The following KCNQ3 variants were observed in gnomAD, a reference collection of about 807,000 sequenced individuals.
KCNQ3 encodes the protein potassium voltage-gated channel subfamily Q member 3.
A neutral mutation model predicts 92.5 loss-of-function variants in KCNQ3; 30 were observed. The observed-to-expected ratio is 0.32, with a 90% confidence interval of 0.24 to 0.44. The LOEUF (loss-of-function observed/expected upper bound fraction) is 0.44. KCNQ3 is among the 20% of genes least tolerant of loss of function. The pLI, the probability that KCNQ3 is intolerant of heterozygous loss-of-function variation, is 1.00. For missense variants in KCNQ3, 913 were observed against 1,140.3 expected (o/e 0.80, Z 2.87); for synonymous variants, 450 against 468.8 (o/e 0.96, Z 0.52).
At chr8:132,391,701 G>C (rs901725950) in intron 1 of KCNQ3, among the ~76,000 whole-genome samples, 1 of 152,092 alleles carries the variant, frequency 6.6e-6, no homozygotes, top group Non-Finnish European at 1.5e-5. Context: ...CCCAACAGCA[G>C]GACACTCAAA....
At chr8:132,298,516 G>T (rs1247384738) in intron 1 of KCNQ3, among the ~76,000 whole-genome samples, 1 of 152,114 alleles carries the variant, frequency 6.6e-6, no homozygotes, top group Non-Finnish European at 1.5e-5. Context: ...AACTGTGAAT[G>T]CTTAATTATG....
chr8:132,262,279 T>TAA (rs972758561), intron 1 of KCNQ3, among the ~76,000 whole-genome samples: 8 of 152,202 alleles, frequency 5.3e-5, no homozygotes, highest in Non-Finnish European at 1.0e-4. Context: ...TTGGGGGTCA[T>TAA]AAAATGTCTA....
intron 1 of KCNQ3, among the ~76,000 whole-genome samples, chr8:132,377,125 T>C (rs1472654619): frequency 6.6e-6 from 1 of 152,206 alleles, no homozygotes; most frequent in African/African-American, 2.4e-5. Context: ...CTTGAATCAG[T>C]AGACTTCCCT....
At chr8:132,414,008 C>T (rs192979836) in intron 1 of KCNQ3, among the ~76,000 whole-genome samples, 5 of 152,322 alleles carry the variant, frequency 3.3e-5, no homozygotes, top group Admixed American at 6.5e-5. Flanking sequence ...GTTTCCAGAG[C>T]GGGTGCAGCC....
intron 1 of KCNQ3, among the ~76,000 whole-genome samples, chr8:132,198,897 T>G (rs908592217): frequency 1.3e-5 from 2 of 152,188 alleles, no homozygotes; most frequent in Non-Finnish European, 2.9e-5. Flanking sequence ...GTTAAGAGAT[T>G]GCACAGGACA....
At chr8:132,435,871 AC>A (rs745676864) in intron 1 of KCNQ3, among the ~76,000 whole-genome samples, 10 of 151,784 alleles carry the variant, frequency 6.6e-5, no homozygotes, top group Non-Finnish European at 1.5e-4. Context: ...GCCTTTATTC[AC>A]CCCCTAGTCT....
At chr8:132,412,730 C>A (rs958723250) in intron 1 of KCNQ3, among the ~76,000 whole-genome samples, 3 of 152,128 alleles carry the variant, frequency 2.0e-5, no homozygotes, top group African/African-American at 7.2e-5. Context: ...ATGGCCACCT[C>A]CCCTGCCCTG....
chr8:132,356,556 T>C (rs976576498), intron 1 of KCNQ3, among the ~76,000 whole-genome samples: 1 of 152,142 alleles, frequency 6.6e-6, no homozygotes, highest in African/African-American at 2.4e-5. Context: ...CACTCTAGTC[T>C]TGGAAACAGA....
rs1326335099 is a variant in KCNQ3 at position 132,128,626 on chromosome 8, G to A, written c.*636C>T. The A allele has an allele frequency of 6.6e-6, 1 of 152,242 alleles. No individual in the cohort carries two copies. Among genetic ancestry groups the A allele is most frequent in the Non-Finnish European group, 1.5e-5 (1 of 68,480 alleles). The allele number at this position is 152,242 out of a possible 1,614,324, so 9.4% of individuals were successfully genotyped here. A position where few individuals can be genotyped will look rare whatever the true frequency, so the allele number is the denominator to read the frequency against. ...ACTTTTTACAGATAAGGAAACTGAG[G>A]CATGATACTAAGTAACATCAGGCCA... On this transcript the variant is annotated 3_prime_UTR_variant, in exon 15 of 15. Coordinates refer to ENST00000388996, the MANE Select transcript of KCNQ3 (RefSeq NM_004519.4).
chr8:132,167,678 A>C (rs1446455236), intron 8 of KCNQ3, among the ~76,000 whole-genome samples: 1 of 152,248 alleles, frequency 6.6e-6, no homozygotes, highest in Non-Finnish European at 1.5e-5. Flanking sequence ...TTGAAAAAAG[A>C]AAGAAAGAAA....
At chr8:132,395,223 T>C (rs2130776419) in intron 1 of KCNQ3, among the ~76,000 whole-genome samples, 1 of 152,372 alleles carries the variant, frequency 6.6e-6, no homozygotes, top group African/African-American at 2.4e-5. Context: ...ATCAGGGTAA[T>C]GAGCATATCC....
At chr8:132,175,663 A>G in intron 4 of KCNQ3, 55 bp from the exon 5 acceptor site, 1 of 1,562,222 alleles carries the variant, frequency 6.4e-7, no homozygotes, top group African/African-American at 1.4e-5. Context: ...CGTTGAGTGG[A>G]TGCTGGAGCC....
At chr8:132,305,681 C>A (rs190805550) in intron 1 of KCNQ3, among the ~76,000 whole-genome samples, 164 of 152,218 alleles carry the variant, frequency 1.1e-3, no homozygotes, top group African/African-American at 3.8e-3. Context: ...CAACCCCCAA[C>A]AGTAGCTTCT....
chr8:132,306,849 C>T (rs1563851531), intron 1 of KCNQ3, among the ~76,000 whole-genome samples: 1 of 152,142 alleles, frequency 6.6e-6, no homozygotes, highest in African/African-American at 2.4e-5. Context: ...AGACTCTTGA[C>T]AGCATTTTTT....
intron 1 of KCNQ3, among the ~76,000 whole-genome samples, chr8:132,353,105 A>C (rs1818921810): frequency 6.6e-6 from 1 of 152,170 alleles, no homozygotes; most frequent in Non-Finnish European, 1.5e-5. Flanking sequence ...GGGCGCCTGT[A>C]ATCCTAGCTA....
chr8:132,352,509 T>C (rs956722912), intron 1 of KCNQ3, among the ~76,000 whole-genome samples: 3 of 152,088 alleles, frequency 2.0e-5, no homozygotes, highest in African/African-American at 7.2e-5. Context: ...GGAAACTCAC[T>C]GCCCCGAGCT....
chr8:132,441,471 G>A (rs1034523236), intron 1 of KCNQ3, among the ~76,000 whole-genome samples: 47 of 152,220 alleles, frequency 3.1e-4, no homozygotes, highest in African/African-American at 1.0e-3. Flanking sequence ...GGAGAATGGC[G>A]TGAACCCGGA....
chr8:132,378,349 G>T (rs1819663794), intron 1 of KCNQ3, among the ~76,000 whole-genome samples: 1 of 151,942 alleles, frequency 6.6e-6, no homozygotes, highest in African/African-American at 2.4e-5. Context: ...CCAAGATCAT[G>T]CCACTGCACT....
chr8:132,203,783 T>C (rs568543923), intron 1 of KCNQ3, among the ~76,000 whole-genome samples: 2 of 152,270 alleles, frequency 1.3e-5, no homozygotes, highest in South Asian at 2.1e-4. Context: ...ATCTGTAAAA[T>C]AGGGATAATA....
Sources: gnomAD v4.1 joint callset for allele counts (sites outside exome capture counted in the v4.1 genomes callset) on GRCh38, gnomAD v4.1.1 for gene constraint, MANE v1.5 for transcripts, NCBI Gene and HGNC (gene_info 2026-07-23, HGNC 2026-07-21) for gene names.